The following DDX10 variants were observed in gnomAD, a reference collection of about 807,000 sequenced individuals.
DDX10 encodes the protein probable ATP-dependent RNA helicase DDX10.
Under a neutral mutation model 104.3 loss-of-function variants are expected in DDX10, and 74 were observed. That is an observed-to-expected ratio of 0.71 (90% CI 0.59 to 0.86). The LOEUF (loss-of-function observed/expected upper bound fraction) is 0.86, where lower values mean the gene tolerates loss of function less well. Among genes scored for constraint, DDX10 ranks in the 40% least tolerant of loss-of-function variants. DDX10 has a pLI of 0.00. For synonymous variants in DDX10, 351 were observed against 353.4 expected, an observed-to-expected ratio of 0.99 and a Z score of 0.08; for missense variants, 952 against 1,040.0, an observed-to-expected ratio of 0.92 and a Z score of 1.16.
chr11:108,715,883 A>T lies in DDX10; in HGVS notation c.1327A>T (p.Asn443Tyr), dbSNP rs1241522857. ...KKVPVKEIKI[N>Y]PEKLIDVQKK... ...CTTTATCTTTTTGTTACAAAGAATCAATCCAGAAAAACTTATAGATGTCCA... is the reference window on the plus strand; with the variant it reads ...CTTTATCTTTTTGTTACAAAGAATCTATCCAGAAAAACTTATAGATGTCCA... Residue 443 changes from asparagine (N) to tyrosine (Y), a missense_variant, in exon 11 of 18, where the codon AAT becomes TAT. By Grantham distance (143) the Asn-to-Tyr change is moderately radical (BLOSUM62 -2). Transcript: ENST00000322536. 2.0e-6 allele frequency: 3 copies of T among 1,477,532 alleles called. No individual in the cohort carries two copies. The African/African-American group carries it at 4.2e-5, about 21-fold the overall frequency. 91.5% of individuals were successfully genotyped at this position (1,477,532 alleles called of 1,614,324 possible).
At chr11:108,912,334 CAT>C (rs1462094600) in intron 16 of DDX10, among the ~76,000 whole-genome samples, 5 of 152,152 alleles carry the variant, frequency 3.3e-5, no homozygotes, top group African/African-American at 9.7e-5. Flanking sequence ...AAACATTGTG[CAT>C]TATAATACCC....
chr11:108,868,061 T>C (rs1157366251), intron 16 of DDX10, among the ~76,000 whole-genome samples: 1 of 152,148 alleles, frequency 6.6e-6, no homozygotes, highest in Admixed American at 6.5e-5. Context: ...CAGGTTCATT[T>C]TTCTTTTGCC....
At chr11:108,939,461 C>T (rs1341918463) in intron 17 of DDX10, among the ~76,000 whole-genome samples, 1 of 152,172 alleles carries the variant, frequency 6.6e-6, no homozygotes, top group African/African-American at 2.4e-5. Context: ...TGAGGAAGCC[C>T]TGGATTCATG....
At chr11:108,862,563 G>A (rs1374878130) in intron 16 of DDX10, among the ~76,000 whole-genome samples, 4 of 152,172 alleles carry the variant, frequency 2.6e-5, no homozygotes. Context: ...TCCAAGAAGT[G>A]TGATGTTTTA....
At chr11:108,759,728 A>G (rs1469129963) in intron 13 of DDX10, among the ~76,000 whole-genome samples, 2 of 151,886 alleles carry the variant, frequency 1.3e-5, no homozygotes, top group African/African-American at 4.8e-5. Context: ...TTTTTTTTCC[A>G]TGGATAATAT....
intron 13 of DDX10, among the ~76,000 whole-genome samples, chr11:108,835,500 A>G (rs1048705659): frequency 1.2e-4 from 18 of 152,260 alleles, no homozygotes; most frequent in African/African-American, 1.9e-4. Context: ...TGAGTTGTCC[A>G]GGTTCTTGGC....
At position 108,673,445 on chromosome 11, in the gene DDX10, A is replaced by AT. The variant is rs1389715007; in HGVS notation, c.187-20dup. ...GTCGTGAAACAAATGAGTTACCCTG[A>AT]TTCCTTTTTCTTTTTTTCCAGATAA... On this transcript the variant is annotated intron_variant, in intron 1 of 17. Transcript: ENST00000322536. The AT allele has an allele frequency of 4.6e-6, 7 of 1,519,404 alleles. No individual in the cohort carries two copies. In the Admixed American group the frequency reaches 8.4e-5, roughly 18 times the overall value. The allele number at this position is 1,519,404 out of a possible 1,614,324, so 94.1% of individuals were successfully genotyped here.
intron 15 of DDX10, 44 bp from the exon 16 acceptor site, chr11:108,852,109 C>T: frequency 1.4e-6 from 2 of 1,472,378 alleles, no homozygotes; most frequent in South Asian, 1.2e-5. Flanking sequence ...CTGTTTTATA[C>T]CTAATTATAT....
At chr11:108,815,187 A>G (rs1303052848) in intron 13 of DDX10, among the ~76,000 whole-genome samples, 1 of 152,200 alleles carries the variant, frequency 6.6e-6, no homozygotes, top group Non-Finnish European at 1.5e-5. Context: ...CTTTTGGTTT[A>G]TATACTCCTG....
intron 13 of DDX10, among the ~76,000 whole-genome samples, chr11:108,748,211 C>CTT (rs778352370): frequency 1.3e-3 from 198 of 152,186 alleles, no homozygotes; most frequent in Non-Finnish European, 2.3e-3. Flanking sequence ...AGTATGCAGT[C>CTT]TTTCTGGTCT....
At chr11:108,918,092 T>C (rs1863776381) in intron 17 of DDX10, 74 bp downstream of exon 17, 1 of 1,420,670 alleles carries the variant, frequency 7.0e-7, no homozygotes, top group Admixed American at 1.7e-5. Flanking sequence ...CCAAAAGACA[T>C]TACTAAGAGT....
At chr11:108,861,516 T>C (rs533610508) in intron 16 of DDX10, among the ~76,000 whole-genome samples, 11 of 152,222 alleles carry the variant, frequency 7.2e-5, no homozygotes, top group African/African-American at 2.6e-4. Flanking sequence ...TTTGAAAACA[T>C]GATATTGAGC....
intron 13 of DDX10, among the ~76,000 whole-genome samples, chr11:108,829,841 G>T (rs1218692442): frequency 6.6e-6 from 1 of 152,082 alleles, no homozygotes; most frequent in Non-Finnish European, 1.5e-5. Context: ...AATAGTGTGT[G>T]CTTTCCTCAC....
intron 13 of DDX10, among the ~76,000 whole-genome samples, chr11:108,767,161 A>G (rs996340415): frequency 2.0e-5 from 3 of 152,216 alleles, no homozygotes; most frequent in African/African-American, 7.2e-5. Context: ...TTCAGCTGCC[A>G]GTAAACAATT....
intron 13 of DDX10, among the ~76,000 whole-genome samples, chr11:108,793,349 A>G (rs1051138929): frequency 1.3e-5 from 2 of 152,202 alleles, no homozygotes; most frequent in Admixed American, 6.5e-5. Context: ...CAAATCAGCA[A>G]ATCTCACTGT....
intron 13 of DDX10, among the ~76,000 whole-genome samples, chr11:108,790,411 C>T (rs1861854548): frequency 6.6e-6 from 1 of 152,092 alleles, no homozygotes. Context: ...AGATAAATAA[C>T]AATATTTAAG....
intron 13 of DDX10, among the ~76,000 whole-genome samples, chr11:108,765,418 C>T (rs1056714850): frequency 6.6e-6 from 1 of 152,194 alleles, no homozygotes; most frequent in African/African-American, 2.4e-5. Context: ...ACTTACAGCT[C>T]TTTCAGAAAC....
At position 108,693,217 on chromosome 11, in the gene DDX10, G is replaced by A. The variant is rs190293814; in HGVS notation, c.1139-299G>A. 9.2e-5 allele frequency among the ~76,000 whole-genome samples: 14 copies of A among 152,210 alleles called. No individual in the cohort carries two copies. The East Asian group carries it at 2.1e-3, about 23-fold the overall frequency. On this transcript the variant is annotated intron_variant, in intron 8 of 17. Transcript: ENST00000322536. ...TGTCCCCATTAGAAGTGGTGCTTTC[G>A]GGTTATTAAATATTAGGGTATTTCA...
chr11:108,677,907 C>A (rs928577399), intron 4 of DDX10, among the ~76,000 whole-genome samples: 1 of 151,888 alleles, frequency 6.6e-6, no homozygotes, highest in African/African-American at 2.4e-5. Context: ...GAGAGAACCT[C>A]GGCTTTTTTC....
Sources: allele counts gnomAD v4.1 joint callset (sites outside exome capture counted in the v4.1 genomes callset), GRCh38; gene constraint gnomAD v4.1.1; transcripts MANE v1.5; gene names NCBI Gene and HGNC (gene_info 2026-07-23, HGNC 2026-07-21).